STT3B: variants seen among roughly 807,000 people sequenced by gnomAD.
STT3B encodes STT3 oligosaccharyltransferase complex catalytic subunit B.
A neutral mutation model predicts 96.8 loss-of-function variants in STT3B; 29 were observed. The ratio of observed to expected loss-of-function variants is 0.30; its 90% confidence interval spans 0.22 to 0.41. The LOEUF (loss-of-function observed/expected upper bound fraction) is 0.41, where lower values mean the gene tolerates loss of function less well. Ranked by LOEUF, STT3B falls within the 10% of genes least tolerant of loss-of-function variation. STT3B has a pLI of 1.00. For synonymous variants in STT3B, 367 were observed against 360.0 expected, an observed-to-expected ratio of 1.02 and a Z score of -0.22; for missense variants, 640 against 1,022.3, an observed-to-expected ratio of 0.63 and a Z score of 5.10.
chr3:31,618,284 C>G (rs892933437), intron 8 of STT3B, among the ~76,000 whole-genome samples: 2 of 18,644 alleles, frequency 1.1e-4, no homozygotes, highest in African/African-American at 2.3e-4. Flanking sequence ...ATTGATTTGT[C>G]TTTTATAACA....
chr3:31,625,398 T>C (rs914443641), intron 12 of STT3B, among the ~76,000 whole-genome samples: 2 of 152,230 alleles, frequency 1.3e-5, no homozygotes, highest in African/African-American at 4.8e-5. Flanking sequence ...AAACTAAAAA[T>C]TATTTGCAAA....
chr3:31,547,755 C>G (rs138686438), intron 1 of STT3B, among the ~76,000 whole-genome samples: 1 of 152,272 alleles, frequency 6.6e-6, no homozygotes, highest in East Asian at 1.9e-4. Context: ...ACAGCCTGAA[C>G]AAGTACAAAA....
chr3:31,559,845 T>C (rs1219099295), intron 1 of STT3B, among the ~76,000 whole-genome samples: 3 of 152,116 alleles, frequency 2.0e-5, no homozygotes, highest in Non-Finnish European at 2.9e-5. Flanking sequence ...TCTAGTAATA[T>C]TTGCTTTATA....
At chr3:31,557,597 A>C (rs1311958560) in intron 1 of STT3B, among the ~76,000 whole-genome samples, 1 of 151,748 alleles carries the variant, frequency 6.6e-6, no homozygotes, top group Non-Finnish European at 1.5e-5. Context: ...TTCCTTTGTT[A>C]AATTTATTTC....
At chr3:31,623,606 C>G (rs761769313) in intron 10 of STT3B, 68 bp from the exon 11 acceptor site, 134 of 1,222,038 alleles carry the variant, frequency 1.1e-4, no homozygotes, top group Middle Eastern at 2.1e-4. Flanking sequence ...TCAACTTTTT[C>G]CATTGAGTAT....
At chr3:31,573,796 A>G (rs865969698) in intron 1 of STT3B, among the ~76,000 whole-genome samples, 26 of 152,192 alleles carry the variant, frequency 1.7e-4, no homozygotes, top group Non-Finnish European at 2.9e-5. Context: ...CATACTGGTA[A>G]TAATTGAAGA....
chr3:31,591,752 T>C (rs1421400878), intron 3 of STT3B, among the ~76,000 whole-genome samples: 3 of 152,176 alleles, frequency 2.0e-5, no homozygotes, highest in Non-Finnish European at 4.4e-5. Context: ...CTTACACTTA[T>C]TAAATTAAGA....
At chr3:31,633,351 T>G (rs1200518351) in intron 15 of STT3B, among the ~76,000 whole-genome samples, 2 of 152,214 alleles carry the variant, frequency 1.3e-5, no homozygotes, top group East Asian at 3.9e-4. Flanking sequence ...GCTGAGATTT[T>G]TCCAGAGGCC....
chr3:31,539,691 G>T (rs780901564), intron 1 of STT3B, among the ~76,000 whole-genome samples: 2 of 152,122 alleles, frequency 1.3e-5, no homozygotes, highest in African/African-American at 2.4e-5. Context: ...TTGATGGAGC[G>T]AAGAGATGAG....
chr3:31,533,904 G>T (rs73060022), intron 1 of STT3B, among the ~76,000 whole-genome samples: 171 of 152,324 alleles, frequency 1.1e-3, no homozygotes, highest in Admixed American at 3.9e-3. Context: ...CTCATGATAC[G>T]AGAAGGGAAA....
At chr3:31,613,976 TA>T (rs1699245376) in intron 5 of STT3B, among the ~76,000 whole-genome samples, 1 of 152,004 alleles carries the variant, frequency 6.6e-6, no homozygotes, top group Admixed American at 6.6e-5. Flanking sequence ...ATGAGCTTCT[TA>T]CTGTCTTCCT....
chr3:31,632,420 A>G (rs1699682807), intron 14 of STT3B, among the ~76,000 whole-genome samples: 1 of 152,236 alleles, frequency 6.6e-6, no homozygotes, highest in Admixed American at 6.5e-5. Context: ...AATATATGTT[A>G]TGGGGTAAAA....
chr3:31,546,259 C>T (rs1266871894), intron 1 of STT3B, among the ~76,000 whole-genome samples: 1 of 151,732 alleles, frequency 6.6e-6, no homozygotes, highest in Non-Finnish European at 1.5e-5. Flanking sequence ...GGGAGTCCTT[C>T]AGCTTCATGT....
In STT3B at chr3:31,617,083, T is replaced by G; in HGVS notation, c.1123+8T>G. ...TCTATTTGACTTATACAGGTACGTG[T>G]TATCACCTGTAGGGTGTGAATATTG... On this transcript the variant is annotated splice_region_variant and intron_variant, in intron 7 of 15. Transcript: ENST00000295770. 1 of 1,593,722 alleles carries G rather than the reference T, an allele frequency of 6.3e-7. No homozygotes were observed. Among genetic ancestry groups the G allele is most frequent in the Non-Finnish European group, 8.6e-7 (1 of 1,166,212 alleles).
intron 3 of STT3B, among the ~76,000 whole-genome samples, chr3:31,583,468 C>T (rs1698461512): frequency 6.6e-6 from 1 of 152,030 alleles, no homozygotes; most frequent in Admixed American, 6.5e-5. Context: ...CCACACCCTG[C>T]CTTTTTTTGT....
At chr3:31,570,506 C>T (rs1442131239) in intron 1 of STT3B, among the ~76,000 whole-genome samples, 2 of 152,044 alleles carry the variant, frequency 1.3e-5, no homozygotes, top group East Asian at 1.9e-4. Flanking sequence ...GGCTATGGCA[C>T]GTTTCTATGT....
intron 11 of STT3B, 65 bp from the exon 12 acceptor site, chr3:31,624,849 G>C: frequency 7.5e-7 from 1 of 1,336,794 alleles, no homozygotes; most frequent in East Asian, 2.3e-5. Flanking sequence ...AATACCTCAA[G>C]ATTTTAAGTT....
intron 1 of STT3B, among the ~76,000 whole-genome samples, chr3:31,566,925 G>T (rs778383145): frequency 5.9e-5 from 9 of 152,116 alleles, no homozygotes; most frequent in Admixed American, 2.0e-4. Context: ...GGAGTTTTTT[G>T]AAAACATGAT....
chr3:31,568,698 T>A (rs1015424961), intron 1 of STT3B, among the ~76,000 whole-genome samples: 1 of 152,210 alleles, frequency 6.6e-6, no homozygotes, highest in African/African-American at 2.4e-5. Context: ...ATTGTGGTAT[T>A]TTGCTTCAGG....
Sources: allele counts gnomAD v4.1 joint callset (sites outside exome capture counted in the v4.1 genomes callset), GRCh38; gene constraint gnomAD v4.1.1; transcripts MANE v1.5; gene names NCBI Gene and HGNC (gene_info 2026-07-23, HGNC 2026-07-21).